The following FOXP2 variants were observed in gnomAD, a reference collection of about 807,000 sequenced individuals.
FOXP2 encodes the protein forkhead box protein P2.
In FOXP2, 12 loss-of-function variants were observed where a neutral mutation model predicts 115.8. The ratio of observed to expected loss-of-function variants is 0.10; its 90% CI spans 0.07 to 0.17. FOXP2 has a LOEUF of 0.17. Ranked by LOEUF, FOXP2 falls within the 10% of genes least tolerant of loss-of-function variation. The pLI is 1.00. For missense variants in FOXP2, 629 were observed against 843.5 expected (o/e 0.75, Z 3.15); for synonymous variants, 328 against 297.7 (o/e 1.10, Z -1.05).
chr7:114,324,716 TTATACTC>T (rs1797513782), intron 2 of FOXP2, among the ~76,000 whole-genome samples: 1 of 151,910 alleles, frequency 6.6e-6, no homozygotes, highest in Admixed American at 6.6e-5. Context: ...CATTTTACCT[TTATACTC>T]TATCAGAATA....
chr7:114,531,627 G>C (rs1799146455), intron 2 of FOXP2, among the ~76,000 whole-genome samples: 1 of 151,784 alleles, frequency 6.6e-6, no homozygotes, highest in Non-Finnish European at 1.5e-5. Flanking sequence ...GTTTACTATA[G>C]CAGTCTCTAC....
chr7:114,366,573 C>A (rs1200331865), intron 2 of FOXP2: 4 of 151,946 alleles, frequency 2.6e-5, no homozygotes, highest in African/African-American at 9.7e-5. Context: ...TTAAATAAAT[C>A]AAAACAAAAA....
chr7:114,089,521 T>C (rs575608950), intron 1 of FOXP2, among the ~76,000 whole-genome samples: 35 of 152,196 alleles, frequency 2.3e-4, no homozygotes, highest in Non-Finnish European at 3.7e-4. Flanking sequence ...ATTGTTTTTA[T>C]ATAATTTATA....
chr7:114,332,831 G>A (rs1797745046), intron 2 of FOXP2, among the ~76,000 whole-genome samples: 1 of 152,010 alleles, frequency 6.6e-6, no homozygotes, highest in South Asian at 2.1e-4. Flanking sequence ...CTTCTACCAC[G>A]GAAAATGTAG....
chr7:114,280,513 C>T (rs1019812321), intron 1 of FOXP2, among the ~76,000 whole-genome samples: 1 of 152,006 alleles, frequency 6.6e-6, no homozygotes, highest in African/African-American at 2.4e-5. Flanking sequence ...TTTAATAGCT[C>T]TCATAATTAT....
chr7:114,530,442 C>A (rs373598351), intron 2 of FOXP2, among the ~76,000 whole-genome samples: 1 of 151,796 alleles, frequency 6.6e-6, no homozygotes, highest in African/African-American at 2.4e-5. Context: ...TCAAATGCAA[C>A]AGGCTGATAG....
chr7:114,345,896 G>A (rs921814716), intron 2 of FOXP2, among the ~76,000 whole-genome samples: 1 of 151,652 alleles, frequency 6.6e-6, no homozygotes, highest in Non-Finnish European at 1.5e-5. Context: ...ATAAAGATGA[G>A]TAATATACTT....
chr7:114,552,753 C>A (rs538364474), intron 3 of FOXP2, among the ~76,000 whole-genome samples: 1 of 152,072 alleles, frequency 6.6e-6, no homozygotes, highest in East Asian at 1.9e-4. Context: ...GTTTAGAGTA[C>A]TTTTCTGTGT....
At chr7:114,489,252 GTAAT>G (rs915191722) in intron 2 of FOXP2, among the ~76,000 whole-genome samples, 5 of 151,934 alleles carry the variant, frequency 3.3e-5, no homozygotes, top group South Asian at 4.2e-4. Context: ...TTTTTAAAAA[GTAAT>G]TGAGGAATGA....
chr7:114,525,155 C>G (rs1278355790), intron 2 of FOXP2, among the ~76,000 whole-genome samples: 1 of 152,066 alleles, frequency 6.6e-6, no homozygotes, highest in Non-Finnish European at 1.5e-5. Flanking sequence ...TTTAGCAAAC[C>G]CACTAAAGCT....
chr7:114,288,965 A>T (rs529877120), intron 2 of FOXP2, among the ~76,000 whole-genome samples: 21 of 151,932 alleles, frequency 1.4e-4, no homozygotes, highest in African/African-American at 5.1e-4. Flanking sequence ...TAAGAGTTTC[A>T]CCATGAGCAT....
chr7:114,153,805 G>A (rs1355897019), intron 1 of FOXP2, among the ~76,000 whole-genome samples: 2 of 152,104 alleles, frequency 1.3e-5, no homozygotes, highest in Admixed American at 6.6e-5. Flanking sequence ...TGATATGGAA[G>A]TTCATTAGAG....
intron 2 of FOXP2, among the ~76,000 whole-genome samples, chr7:114,409,118 G>A (rs766560181): frequency 9.9e-5 from 15 of 152,084 alleles, no homozygotes; most frequent in African/African-American, 1.9e-4. Flanking sequence ...ATTTTTGACC[G>A]TTAAATTTGG....
intron 2 of FOXP2, among the ~76,000 whole-genome samples, chr7:114,297,597 A>G (rs544301258): frequency 9.2e-5 from 14 of 152,354 alleles, no homozygotes; most frequent in African/African-American, 3.4e-4. Context: ...CATAAGAACA[A>G]TAAGCCATCT....
intron 2 of FOXP2, among the ~76,000 whole-genome samples, chr7:114,376,348 T>C (rs1277062070): frequency 6.6e-6 from 1 of 152,248 alleles, no homozygotes; most frequent in Non-Finnish European, 1.5e-5. Context: ...ATTTAACTTC[T>C]TTTATTCTCA....
At chr7:114,130,043 G>A (rs1412798382) in intron 1 of FOXP2, among the ~76,000 whole-genome samples, 1 of 152,154 alleles carries the variant, frequency 6.6e-6, no homozygotes, top group Admixed American at 6.5e-5. Flanking sequence ...CCTGGGTGTG[G>A]TGGCTCATGC....
chr7:114,280,678 A>C (rs1378681090), intron 1 of FOXP2, among the ~76,000 whole-genome samples: 1 of 152,180 alleles, frequency 6.6e-6, no homozygotes, highest in Non-Finnish European at 1.5e-5. Context: ...AAAACAGATA[A>C]AAATTTAAAT....
chr7:114,556,919 GA>G (rs1384845470), intron 3 of FOXP2, among the ~76,000 whole-genome samples: 1 of 151,888 alleles, frequency 6.6e-6, no homozygotes, highest in South Asian at 2.1e-4. Flanking sequence ...ATTGTTTTTT[GA>G]AAAAACTGTA....
At chr7:114,505,948 T>C (rs193203713) in intron 2 of FOXP2, among the ~76,000 whole-genome samples, 16 of 151,730 alleles carry the variant, frequency 1.1e-4, no homozygotes, top group Admixed American at 2.0e-4. Context: ...AACATGTCTT[T>C]ATATATACTG....
Sources: allele counts gnomAD v4.1 joint callset (sites outside exome capture counted in the v4.1 genomes callset), GRCh38; gene constraint gnomAD v4.1.1; transcripts MANE v1.5; gene names NCBI Gene and HGNC (gene_info 2026-07-23, HGNC 2026-07-21).